SP1: variants seen among roughly 807,000 people sequenced by gnomAD.
SP1 encodes transcription factor Sp1.
Under a neutral mutation model 66.3 loss-of-function variants are expected in SP1, and 6 were observed. That is an observed-to-expected ratio of 0.09 (90% confidence interval 0.05 to 0.18). The LOEUF is 0.18. Ranked by LOEUF, SP1 falls within the 10% of genes least tolerant of loss-of-function variation. The probability of loss-of-function intolerance (pLI) is 1.00; values close to 1 mark genes in which losing one functional copy is unlikely to be tolerated. For synonymous variants in SP1, 417 were observed against 360.8 expected, an observed-to-expected ratio of 1.16 and a Z score of -1.77; for missense variants, 848 against 964.5, an observed-to-expected ratio of 0.88 and a Z score of 1.60.
intron 4 of SP1, 106 bp downstream of exon 4, chr12:53,406,859 C>T: frequency 1.0e-6 from 1 of 974,550 alleles, no homozygotes; most frequent in Admixed American, 2.7e-5. Flanking sequence ...GAGTCTGACT[C>T]TGTTGCCCAG....
At chr12:53,390,656 C>T (rs1417019620) in intron 3 of SP1, among the ~76,000 whole-genome samples, 15 of 151,804 alleles carry the variant, frequency 9.9e-5, no homozygotes, top group Non-Finnish European at 1.2e-4. Context: ...GCACTCCAGC[C>T]TGGGCAACAG....
In SP1 at chr12:53,383,470, C is replaced by G. The variant is rs1185183818; in HGVS notation, c.1523C>G (p.Ala508Gly). ...ACCACTCTCACACCCATTGCCTCAG[C>G]TGCTTCCATTCCTGCTGGCACAGTC... ...SNTTLTPIAS[A>G]ASIPAGTVTV... Residue 508 changes from alanine to glycine, a missense_variant, in exon 3 of 6, where the codon GCT becomes GGT. Physicochemically the swap from Ala to Gly is moderately conservative, Grantham distance 60. Coordinates refer to ENST00000327443, the MANE Select transcript of SP1 (RefSeq NM_138473.3). 2.5e-6 allele frequency: 4 copies of G among 1,614,138 alleles called. No individual in the cohort carries two copies. Among genetic ancestry groups the G allele is most frequent in the Non-Finnish European group, 3.4e-6 (4 of 1,180,048 alleles).
At chr12:53,396,350 AT>A (rs1476570958) in intron 3 of SP1, among the ~76,000 whole-genome samples, 2 of 151,594 alleles carry the variant, frequency 1.3e-5, no homozygotes, top group Non-Finnish European at 2.9e-5. Flanking sequence ...CGGGTGGATC[AT>A]CAGGTCAAGA....
intron 3 of SP1, among the ~76,000 whole-genome samples, chr12:53,405,864 G>A (rs544846763): frequency 1.8e-4 from 28 of 151,934 alleles, no homozygotes; most frequent in Admixed American, 3.9e-4. Flanking sequence ...AACTATGATC[G>A]GGGGAGGGAT....
rs560938567 is a variant in SP1, at chr12:53,401,640, G to T, written c.1676-4945G>T. Among the ~76,000 whole-genome samples the T allele has an allele frequency of 5.9e-5, 9 of 152,142 alleles. 1 individual carries two copies. The highest frequency in any genetic ancestry group is 4.6e-4 in the Admixed American group (7 of 15,250). On this transcript the variant is annotated intron_variant, in intron 3 of 5. Transcript: ENST00000327443. ...GGGGCCATGCTTAGTGTTGATTAAA[G>T]AAAATATTGGTGTATATCTTATTTC...
intron 3 of SP1, among the ~76,000 whole-genome samples, chr12:53,406,065 CTT>C (rs1170832065): frequency 6.1e-5 from 5 of 82,418 alleles, no homozygotes; most frequent in African/African-American, 1.1e-4. Context: ...TATTTTCTTT[CTT>C]TTTTTTTTTT....
At chr12:53,393,716 G>C (rs555179189) in intron 3 of SP1, among the ~76,000 whole-genome samples, 1 of 151,516 alleles carries the variant, frequency 6.6e-6, no homozygotes, top group South Asian at 2.1e-4. Context: ...TCTTGCCTCA[G>C]CCTCCCGAGT....
At chr12:53,394,222 A>G (rs1938421098) in intron 3 of SP1, among the ~76,000 whole-genome samples, 1 of 151,762 alleles carries the variant, frequency 6.6e-6, no homozygotes, top group African/African-American at 2.4e-5. Context: ...TCTCGAGAAA[A>G]AAAAAGAACG....
chr12:53,397,817 G>T (rs1224475669), intron 3 of SP1, among the ~76,000 whole-genome samples: 3 of 151,800 alleles, frequency 2.0e-5, no homozygotes, highest in Admixed American at 1.3e-4. Flanking sequence ...GCCTCCCAAA[G>T]TGCTGGGATT....
intron 3 of SP1, among the ~76,000 whole-genome samples, chr12:53,388,467 A>T (rs1565809885): frequency 6.6e-6 from 1 of 152,166 alleles, no homozygotes; most frequent in Admixed American, 6.6e-5. Flanking sequence ...GACATTCACT[A>T]AGGAGATAAT....
chr12:53,396,763 T>G (rs1159610139), intron 3 of SP1, among the ~76,000 whole-genome samples: 1 of 152,142 alleles, frequency 6.6e-6, no homozygotes, highest in Non-Finnish European at 1.5e-5. Context: ...TATGTTATAG[T>G]CTTCTGGGTA....
In SP1 at chr12:53,416,070, A is replaced by G. The variant is rs1240091821; in HGVS notation, c.*4830A>G. Reference sequence around the variant, plus strand: ...CTCTGGTGCCTAAAAACCCAAGTTTATTTCTCTCTTAACACTGGCAATAAC... The same window carrying G: ...CTCTGGTGCCTAAAAACCCAAGTTTGTTTCTCTCTTAACACTGGCAATAAC... On this transcript the variant is annotated 3_prime_UTR_variant, in exon 6 of 6. Transcript: ENST00000327443. 1 of 152,566 alleles carries G rather than the reference A, an allele frequency of 6.6e-6. No individual in the cohort carries two copies. Among genetic ancestry groups the G allele is most frequent in the Non-Finnish European group, 1.5e-5 (1 of 68,042 alleles). 9.5% of individuals were successfully genotyped at this position (152,566 alleles called of 1,614,324 possible).
chr12:53,393,014 TG>T (rs910653215), intron 3 of SP1, among the ~76,000 whole-genome samples: 6 of 151,028 alleles, frequency 4.0e-5, no homozygotes, highest in African/African-American at 1.2e-4. Flanking sequence ...TTAGTACAGA[TG>T]GGGTTTCACC....
rs769748180 is a variant in SP1 at position 53,383,440 on chromosome 12, G to A, written c.1493G>A (p.Ser498Asn). 6.2e-7 allele frequency: 1 copy of A among 1,614,206 alleles called. No individual in the cohort carries two copies. The highest frequency in any genetic ancestry group is 1.7e-5 in the Admixed American group (1 of 60,016). Reference sequence around the variant, plus strand: ...GTTTCCTTGGGGCAGACCAGCAGCAGCAACACCACTCTCACACCCATTGCC... The same window carrying A: ...GTTTCCTTGGGGCAGACCAGCAGCAACAACACCACTCTCACACCCATTGCC... ...QGVSLGQTSSSNTTLTPIASA... is the reference protein window; with the variant it reads ...QGVSLGQTSSNNTTLTPIASA... The change falls in exon 3 of 6, where the codon AGC (serine) becomes AAC (asparagine). Residue 498 changes from serine to asparagine, a missense_variant. Around this residue, in one of 7 missense-constraint regions of SP1, gnomAD observed 606 missense variants for 589.9 expected, o/e 1.03. Coordinates refer to ENST00000327443, the MANE Select transcript of SP1 (RefSeq NM_138473.3).
chr12:53,381,363 GA>G (rs3832825), intron 1 of SP1: 26,805 of 224,496 alleles, frequency 0.12, 1,858 homozygotes, highest in Non-Finnish European at 0.15. Flanking sequence ...TTCTTATTTA[GA>G]AACTCTCACC....
chr12:53,385,925 A>G (rs1422774129), intron 3 of SP1, among the ~76,000 whole-genome samples: 1 of 152,132 alleles, frequency 6.6e-6, no homozygotes, highest in African/African-American at 2.4e-5. Context: ...AAAAAAAAAA[A>G]AAATTGATTA....
At chr12:53,381,933 G>A in intron 2 of SP1, 120 bp downstream of exon 2, 1 of 1,254,324 alleles carries the variant, frequency 8.0e-7, no homozygotes. Context: ...AGATAAGGAA[G>A]TAAGAGAATG....
intron 3 of SP1, among the ~76,000 whole-genome samples, chr12:53,386,498 T>C (rs959031766): frequency 1.5e-4 from 21 of 143,706 alleles, no homozygotes; most frequent in African/African-American, 4.9e-4. Context: ...TTTTTTTTTT[T>C]CATTTTTGAG....
At chr12:53,410,143 C>T (rs974688219) in intron 5 of SP1, among the ~76,000 whole-genome samples, 3 of 151,774 alleles carry the variant, frequency 2.0e-5, no homozygotes, top group Non-Finnish European at 4.4e-5. Flanking sequence ...CCTGTCTCTA[C>T]TAAAATTACA....
Sources: gnomAD v4.1 joint callset for allele counts (sites outside exome capture counted in the v4.1 genomes callset) on GRCh38, gnomAD v4.1.1 for gene constraint, gnomAD v4.1.1 regional missense constraint, MANE v1.5 for transcripts, NCBI Gene and HGNC (gene_info 2026-07-23, HGNC 2026-07-21) for gene names.